RFX3: variants seen among roughly 807,000 people sequenced by gnomAD.
RFX3 encodes the protein transcription factor RFX3.
RFX3 carries 14 observed loss-of-function variants against 98.6 expected under a neutral mutation model. The ratio of observed to expected loss-of-function variants is 0.14; its 90% confidence interval spans 0.09 to 0.22. The LOEUF (loss-of-function observed/expected upper bound fraction) is 0.22. Among genes scored for constraint, RFX3 ranks in the 10% least tolerant of loss-of-function variants. The pLI, the probability that RFX3 is intolerant of heterozygous loss-of-function variation, is 1.00. For synonymous variants in RFX3, 383 were observed against 328.4 expected (o/e 1.17, Z -1.80); for missense variants, 639 against 926.9 (o/e 0.69, Z 4.03).
intron 7 of RFX3, among the ~76,000 whole-genome samples, chr9:3,282,617 G>A (rs1826051606): frequency 6.6e-6 from 1 of 151,754 alleles, no homozygotes; most frequent in Admixed American, 6.6e-5. Flanking sequence ...ATGATTCTCT[G>A]ATCTCATGAA....
chr9:3,491,648 T>C (rs1850725647), intron 1 of RFX3, among the ~76,000 whole-genome samples: 1 of 152,198 alleles, frequency 6.6e-6, no homozygotes, highest in African/African-American at 2.4e-5. Flanking sequence ...AAACCTATTC[T>C]TTGAACATAT....
intron 1 of RFX3, among the ~76,000 whole-genome samples, chr9:3,502,263 A>T (rs1446575435): frequency 7.0e-6 from 1 of 142,652 alleles, no homozygotes; most frequent in Non-Finnish European, 1.5e-5. Context: ...GTCTCAAAAG[A>T]AAAAAAAAAA....
At chr9:3,306,084 A>G (rs1345658509) in intron 4 of RFX3, among the ~76,000 whole-genome samples, 2 of 152,102 alleles carry the variant, frequency 1.3e-5, no homozygotes, top group Non-Finnish European at 2.9e-5. Flanking sequence ...CACAATACTC[A>G]TGACTGTCAT....
chr9:3,474,905 G>A (rs543758186), intron 1 of RFX3, among the ~76,000 whole-genome samples: 2 of 152,230 alleles, frequency 1.3e-5, no homozygotes, highest in East Asian at 3.9e-4. Context: ...TTGAAGACCA[G>A]CCTGGGCAAC....
At chr9:3,347,430 A>C (rs1049822006) in intron 2 of RFX3, among the ~76,000 whole-genome samples, 7 of 152,180 alleles carry the variant, frequency 4.6e-5, no homozygotes, top group Non-Finnish European at 8.8e-5. Context: ...AGAAAATTTC[A>C]AACACTCAAA....
chr9:3,391,671 G>T (rs1840325243), intron 2 of RFX3, among the ~76,000 whole-genome samples: 1 of 152,258 alleles, frequency 6.6e-6, no homozygotes, highest in East Asian at 1.9e-4. Flanking sequence ...AGTGTTGGGG[G>T]TGGTGAGGGT....
chr9:3,515,153 A>G (rs147032185), intron 1 of RFX3, among the ~76,000 whole-genome samples: 1,753 of 152,324 alleles, frequency 0.012, 27 homozygotes, highest in South Asian at 0.032. Context: ...AGGTAGATTT[A>G]AGGCATCACT....
intron 11 of RFX3, among the ~76,000 whole-genome samples, chr9:3,270,123 A>AAAGG (rs1563833630): frequency 2.9e-5 from 2 of 69,564 alleles, no homozygotes; most frequent in African/African-American, 7.2e-5. Flanking sequence ...AGAAAGAAAG[A>AAAGG]AAGGAAAGAA....
At chr9:3,522,607 G>A (rs868079665) in intron 1 of RFX3, among the ~76,000 whole-genome samples, 1 of 150,764 alleles carries the variant, frequency 6.6e-6, no homozygotes, top group African/African-American at 2.4e-5. Context: ...CCACACATCT[G>A]CTGCTATGCC....
chr9:3,309,114 AT>A (rs1829670967), intron 4 of RFX3, among the ~76,000 whole-genome samples: 1 of 152,200 alleles, frequency 6.6e-6, no homozygotes, highest in African/African-American at 2.4e-5. Flanking sequence ...AAATGCATAG[AT>A]TCTGTACGAC....
At chr9:3,464,840 T>A (rs1243507083) in intron 1 of RFX3, among the ~76,000 whole-genome samples, 1 of 152,108 alleles carries the variant, frequency 6.6e-6, no homozygotes, top group Non-Finnish European at 1.5e-5. Flanking sequence ...CTGGTGGGAA[T>A]GTTTGATAAC....
intron 6 of RFX3, among the ~76,000 whole-genome samples, chr9:3,289,016 G>C (rs1362323456): frequency 6.6e-6 from 1 of 152,034 alleles, no homozygotes; most frequent in East Asian, 1.9e-4. Context: ...GACCATGTTT[G>C]CTATTAGAAA....
At chr9:3,443,969 T>C (rs887915607) in intron 1 of RFX3, among the ~76,000 whole-genome samples, 3 of 152,234 alleles carry the variant, frequency 2.0e-5, no homozygotes, top group African/African-American at 4.8e-5. Flanking sequence ...ACAATGCTGG[T>C]TGGAATTTAA....
chr9:3,504,345 C>T (rs556589193), intron 1 of RFX3, among the ~76,000 whole-genome samples: 16 of 117,518 alleles, frequency 1.4e-4, no homozygotes, highest in African/African-American at 4.0e-4. Flanking sequence ...TTATATGCCA[C>T]ATAGCATATA....
intron 11 of RFX3, among the ~76,000 whole-genome samples, chr9:3,267,140 C>T (rs1003179878): frequency 2.0e-5 from 3 of 151,934 alleles, no homozygotes; most frequent in Admixed American, 2.0e-4. Flanking sequence ...AGACAGAATA[C>T]TTTCCTTGTT....
intron 1 of RFX3, among the ~76,000 whole-genome samples, chr9:3,521,605 GTTTT>G (rs958860618): frequency 1.3e-5 from 2 of 152,060 alleles, no homozygotes; most frequent in African/African-American, 4.8e-5. Flanking sequence ...TAGGTTGATA[GTTTT>G]TTTATTTACT....
intron 1 of RFX3, among the ~76,000 whole-genome samples, chr9:3,517,903 C>G (rs1011045642): frequency 3.3e-5 from 5 of 152,172 alleles, no homozygotes; most frequent in African/African-American, 1.2e-4. Context: ...ACATTTCTGT[C>G]AACAACAAAC....
chr9:3,435,337 C>T (rs1845026708), intron 1 of RFX3, among the ~76,000 whole-genome samples: 1 of 151,968 alleles, frequency 6.6e-6, no homozygotes, highest in Admixed American at 6.6e-5. Context: ...TACAGCTGTA[C>T]TAAAATATTT....
intron 2 of RFX3, among the ~76,000 whole-genome samples, chr9:3,363,073 T>C (rs1836644318): frequency 6.6e-6 from 1 of 152,192 alleles, no homozygotes; most frequent in Admixed American, 6.5e-5. Context: ...TTATTTCCCT[T>C]GGGTCCTAGC....
Sources: allele counts gnomAD v4.1 joint callset (sites outside exome capture counted in the v4.1 genomes callset), GRCh38; gene constraint gnomAD v4.1.1; transcripts MANE v1.5; gene names NCBI Gene and HGNC (gene_info 2026-07-23, HGNC 2026-07-21).